The following SMS variants were observed in gnomAD, a reference collection of about 807,000 sequenced individuals.
SMS encodes the protein spermine synthase, also known as spermidine aminopropyltransferase.
Under a neutral mutation model 33.0 loss-of-function variants are expected in SMS, and 3 were observed. The ratio of observed to expected loss-of-function variants is 0.09; its 90% CI spans 0.04 to 0.23. SMS has a LOEUF of 0.23. SMS is among the 10% of genes least tolerant of loss of function. SMS has a pLI of 1.00. For synonymous variants in SMS, 103 were observed against 112.2 expected (o/e 0.92, Z 0.52); for missense variants, 117 against 288.6 (o/e 0.41, Z 4.31).
intron 1 of SMS, chrX:21,959,999 G>C: frequency 4.7e-6 from 3 of 638,915 alleles, no homozygotes; most frequent in Non-Finnish European, 5.6e-6. Flanking sequence ...GGTAAGCATG[G>C]GCGGGGAAGG....
At position 21,946,745 on chromosome X, in the gene SMS, G is replaced by A. The variant is rs1441739613; in HGVS notation, c.49+5872G>A. On this transcript the variant is annotated intron_variant, in intron 1 of 10. Transcript: ENST00000404933. ...CAGCGCACAGGACAACTCCCCTGCG[G>A]CATTGACAGCCCAAAATGTCCATAG... is the stretch of plus-strand genomic sequence containing the variant. 4.5e-5 allele frequency among the ~76,000 whole-genome samples: 5 copies of A among 111,869 alleles called. No homozygotes were observed. The East Asian group carries it at 1.4e-3, about 31-fold the overall frequency.
chrX:21,965,513 G>A (rs1376395101), intron 1 of SMS, among the ~76,000 whole-genome samples: 3 of 101,787 alleles, frequency 2.9e-5, no homozygotes, highest in Admixed American at 2.2e-4. Flanking sequence ...GGCCGGGCGC[G>A]GCGGATCACA....
chrX:21,982,042 C>A (rs1208693589), intron 7 of SMS, among the ~76,000 whole-genome samples: 1 of 110,427 alleles, frequency 9.1e-6, no homozygotes, highest in African/African-American at 3.3e-5. Flanking sequence ...GTAAAAAGTA[C>A]CACAAGACAG....
At chrX:21,957,746 T>A (rs1031462119) in intron 1 of SMS, among the ~76,000 whole-genome samples, 10 of 112,256 alleles carry the variant, frequency 8.9e-5, no homozygotes, top group Non-Finnish European at 1.3e-4. Context: ...CAGAAGTGTT[T>A]CCTTTCACCA....
At chrX:21,965,762 TAAAATAAAATAATA>T (rs1295058944) in intron 1 of SMS, among the ~76,000 whole-genome samples, 5 of 105,373 alleles carry the variant, frequency 4.7e-5, no homozygotes, top group Non-Finnish European at 7.8e-5. Context: ...TAAAATAAAA[TAAAATAAAATAATA>T]AATAAATAAA....
intron 4 of SMS, among the ~76,000 whole-genome samples, chrX:21,972,916 CAAAAAAAAAAA>C (rs981181175): frequency 5.1e-5 from 2 of 39,576 alleles, no homozygotes; most frequent in South Asian, 3.5e-3. Flanking sequence ...GAGACTGTCT[CAAAAAAAAAAA>C]AAAAAAAAAA....
intron 1 of SMS, among the ~76,000 whole-genome samples, chrX:21,948,772 AG>A (rs752965490): frequency 8.9e-6 from 1 of 111,901 alleles, no homozygotes; most frequent in South Asian, 3.7e-4. Flanking sequence ...TAAAGTTCTT[AG>A]TTTAGTTTTT....
intron 1 of SMS, among the ~76,000 whole-genome samples, chrX:21,966,113 C>G (rs1923703706): frequency 8.9e-6 from 1 of 112,341 alleles, no homozygotes; most frequent in South Asian, 3.7e-4. Context: ...TCCTTAACTT[C>G]CCAGTTCTAG....
chrX:21,982,290 A>G (rs892677195), intron 7 of SMS, among the ~76,000 whole-genome samples: 2 of 104,550 alleles, frequency 1.9e-5, no homozygotes, highest in Non-Finnish European at 3.9e-5. Context: ...GTGAGCCCAG[A>G]TCGCATCACT....
At chrX:21,978,439 G>C (rs1486651680) in intron 6 of SMS, among the ~76,000 whole-genome samples, 1 of 111,372 alleles carries the variant, frequency 9.0e-6, no homozygotes, top group Non-Finnish European at 1.9e-5. Flanking sequence ...GCCAGGCATG[G>C]TGGCGGGCAC....
intron 1 of SMS, among the ~76,000 whole-genome samples, chrX:21,946,241 A>G (rs1327673382): frequency 9.0e-6 from 1 of 111,684 alleles, no homozygotes; most frequent in Non-Finnish European, 1.9e-5. Context: ...CAGGCTGGGG[A>G]GGGGGAGGAC....
intron 3 of SMS, 150 bp from the exon 4 acceptor site, chrX:21,972,357 G>C: frequency 2.0e-6 from 1 of 496,202 alleles, no homozygotes; most frequent in South Asian, 2.8e-5. Flanking sequence ...AGTGGAATTG[G>C]GCCAGGCGTC....
At chrX:21,985,397 T>G (rs921134909) in intron 9 of SMS, among the ~76,000 whole-genome samples, 174 bp downstream of exon 9, 14 of 111,911 alleles carry the variant, frequency 1.3e-4, no homozygotes, top group African/African-American at 4.5e-4. Context: ...AATTAATGAG[T>G]TATCAGCCCT....
At chrX:21,971,838 C>T (rs761335332) in intron 2 of SMS, 59 bp from the exon 3 acceptor site, 107 of 572,074 alleles carry the variant, frequency 1.9e-4, no homozygotes, top group Middle Eastern at 6.1e-4. Context: ...CTCTCTCTCT[C>T]TTTTTTTTTT....
chrX:21,968,015 T>C (rs1037825090), intron 2 of SMS, among the ~76,000 whole-genome samples: 2 of 112,428 alleles, frequency 1.8e-5, no homozygotes, highest in Non-Finnish European at 3.8e-5. Context: ...GATGGGTTGG[T>C]TGGGGTGCCC....
intron 9 of SMS, among the ~76,000 whole-genome samples, chrX:21,989,288 A>C (rs1433753417): frequency 9.0e-6 from 1 of 110,874 alleles, no homozygotes; most frequent in East Asian, 2.8e-4. Context: ...AACAAAAGCA[A>C]ATGTCACCTG....
At chrX:21,980,980 G>A (rs1924900435) in intron 7 of SMS, among the ~76,000 whole-genome samples, 1 of 111,849 alleles carries the variant, frequency 8.9e-6, no homozygotes, top group African/African-American at 3.3e-5. Flanking sequence ...AGATGTTATT[G>A]AAAGACATCA....
chrX:21,957,711 C>T (rs1363374181), intron 1 of SMS, among the ~76,000 whole-genome samples: 1 of 112,336 alleles, frequency 8.9e-6, no homozygotes, highest in Non-Finnish European at 1.9e-5. Flanking sequence ...AGTGGTTGTA[C>T]TAGTTGATAT....
chrX:21,985,352 C>A, intron 9 of SMS, 129 bp downstream of exon 9: 1 of 462,202 alleles, frequency 2.2e-6, no homozygotes, highest in Non-Finnish European at 4.0e-6. Flanking sequence ...TTCTTTCAAA[C>A]AGTAAGCTTC....
Sources: gnomAD v4.1 joint callset for allele counts (sites outside exome capture counted in the v4.1 genomes callset) on GRCh38, gnomAD v4.1.1 for gene constraint, MANE v1.5 for transcripts, NCBI Gene and HGNC (gene_info 2026-07-23, HGNC 2026-07-21) for gene names.